The following MTHFD1L variants were observed in gnomAD, a reference collection of about 807,000 sequenced individuals.
MTHFD1L encodes the protein methylenetetrahydrofolate dehydrogenase (NADP+ dependent) 1 like.
Under a neutral mutation model 119.5 loss-of-function variants are expected in MTHFD1L, and 81 were observed. That is an observed-to-expected ratio of 0.68 (90% CI 0.57 to 0.82). The LOEUF (loss-of-function observed/expected upper bound fraction) is 0.82, where lower values mean the gene tolerates loss of function less well. Among genes scored for constraint, MTHFD1L ranks in the 40% least tolerant of loss-of-function variants. The pLI is 0.00. For missense variants in MTHFD1L, 1,125 were observed against 1,253.4 expected (o/e 0.90, Z 1.55); for synonymous variants, 430 against 475.2 (o/e 0.90, Z 1.24).
chr6:150,984,531 G>C (rs980100045), intron 20 of MTHFD1L, among the ~76,000 whole-genome samples: 15 of 137,364 alleles, frequency 1.1e-4, no homozygotes, highest in African/African-American at 4.1e-4. Flanking sequence ...TCAGTGCTTA[G>C]AAGTACCTAC....
intron 26 of MTHFD1L, among the ~76,000 whole-genome samples, chr6:151,056,929 C>A (rs1192746579): frequency 2.0e-5 from 3 of 152,156 alleles, no homozygotes; most frequent in African/African-American, 7.2e-5. Context: ...TTTTTTCAGT[C>A]CTGACAATAA....
At chr6:151,026,417 T>G (rs1784608692) in intron 24 of MTHFD1L, among the ~76,000 whole-genome samples, 1 of 152,246 alleles carries the variant, frequency 6.6e-6, no homozygotes, top group Non-Finnish European at 1.5e-5. Context: ...GTTTCTGGAT[T>G]GTTCCAGTCC....
intron 19 of MTHFD1L, among the ~76,000 whole-genome samples, chr6:150,965,389 G>A (rs1032014727): frequency 5.3e-5 from 8 of 152,114 alleles, no homozygotes; most frequent in African/African-American, 1.4e-4. Context: ...GGCCAGGCGC[G>A]GCGGCTCATG....
chr6:150,999,000 A>G (rs1379518125), intron 20 of MTHFD1L, among the ~76,000 whole-genome samples: 3 of 150,594 alleles, frequency 2.0e-5, no homozygotes, highest in African/African-American at 7.3e-5. Context: ...AAAAAAATAT[A>G]TATACATATA....
At chr6:151,043,672 G>T (rs7754661) in intron 26 of MTHFD1L, among the ~76,000 whole-genome samples, 1 of 151,994 alleles carries the variant, frequency 6.6e-6, no homozygotes, top group Non-Finnish European at 1.5e-5. Context: ...CATTGAGGCA[G>T]TGAGAGAGAC....
intron 1 of MTHFD1L, among the ~76,000 whole-genome samples, chr6:150,875,274 C>T (rs964693087): frequency 6.6e-6 from 1 of 152,020 alleles, no homozygotes; most frequent in African/African-American, 2.4e-5. Context: ...GTCTCAAACT[C>T]CTGGTCTCAA....
At chr6:150,980,710 T>TAA (rs375964703) in intron 20 of MTHFD1L, among the ~76,000 whole-genome samples, 21,550 of 120,648 alleles carry the variant, frequency 0.18, 2,223 homozygotes, top group East Asian at 0.55. Flanking sequence ...ACCCTGTCTC[T>TAA]AAAAAAAAAA....
At chr6:151,084,213 G>A (rs926362718) in intron 26 of MTHFD1L, among the ~76,000 whole-genome samples, 1 of 152,122 alleles carries the variant, frequency 6.6e-6, no homozygotes, top group African/African-American at 2.4e-5. Context: ...AAAAGAAAAA[G>A]GTGCTACCAA....
At chr6:151,026,236 A>G (rs1784587164) in intron 24 of MTHFD1L, among the ~76,000 whole-genome samples, 3 of 152,226 alleles carry the variant, frequency 2.0e-5, no homozygotes, top group African/African-American at 7.2e-5. Flanking sequence ...TGAATTTAAT[A>G]AAGCATGAAG....
chr6:150,909,046 G>A (rs1786413898), intron 8 of MTHFD1L, among the ~76,000 whole-genome samples: 1 of 152,034 alleles, frequency 6.6e-6, no homozygotes, highest in Non-Finnish European at 1.5e-5. Context: ...TAGATGGGAT[G>A]TTGTGATTTA....
intron 7 of MTHFD1L, among the ~76,000 whole-genome samples, chr6:150,893,577 C>T (rs923560269): frequency 2.0e-5 from 3 of 152,190 alleles, no homozygotes; most frequent in Non-Finnish European, 1.5e-5. Context: ...CAAGACCCCC[C>T]CATCCCCTCA....
intron 13 of MTHFD1L, 89 bp from the exon 14 acceptor site, chr6:150,944,397 A>G (rs1021032844): frequency 1.2e-5 from 11 of 903,262 alleles, no homozygotes; most frequent in Admixed American, 1.0e-4. Flanking sequence ...ACAGTGAGCT[A>G]TGATCATGCC....
chr6:151,013,771 TATTTC>T lies in MTHFD1L; in HGVS notation c.2266-6_2266-2del. ...GATTATTCTTCATGTTTTCTCTCCTTATTTCAGGTAACGGCTGGTGTTCCTCTTAA... is the reference window on the plus strand; with the variant it reads ...GATTATTCTTCATGTTTTCTCTCCTTAGGTAACGGCTGGTGTTCCTCTTAA... On this transcript the variant is annotated splice_polypyrimidine_tract_variant and splice_region_variant and intron_variant, in intron 21 of 27. Transcript: ENST00000367321. The T allele has an allele frequency of 6.2e-7, 1 of 1,610,788 alleles. No individual in the cohort carries two copies. The highest frequency in any genetic ancestry group is 8.5e-7 in the Non-Finnish European group (1 of 1,177,472).
chr6:150,961,747 T>G (rs1433663041), intron 18 of MTHFD1L, among the ~76,000 whole-genome samples: 1 of 114,202 alleles, frequency 8.8e-6, no homozygotes, highest in Non-Finnish European at 2.1e-5. Flanking sequence ...TCAACGTATG[T>G]CGCAGCCTAT....
chr6:151,092,527 G>A lies in MTHFD1L; in HGVS notation c.2908G>A (p.Glu970Lys), dbSNP rs774732029. The change falls in exon 27 of 28, where the codon GAA becomes AAA. Residue 970 changes from glutamate (E) to lysine (K), a missense_variant. This residue lies in a region of MTHFD1L where 61 missense variants were observed against 78.9 expected (regional missense o/e 0.77). Coordinates refer to ENST00000367321, the MANE Select transcript of MTHFD1L (RefSeq NM_015440.5). ...CTTTTATGACATAGATCTTGATACC[G>A]AAACAGAACAAGTTAAAGGCTTGTT... ...PCFYDIDLDTETEQVKGLF is the reference protein window; with the variant it reads ...PCFYDIDLDTKTEQVKGLF 7 of 1,613,984 alleles carry A rather than the reference G, an allele frequency of 4.3e-6. No individual in the cohort carries two copies. Among genetic ancestry groups the A allele is most frequent in the East Asian group, 2.2e-5 (1 of 44,886 alleles).
intron 7 of MTHFD1L, among the ~76,000 whole-genome samples, chr6:150,891,811 C>A (rs951299627): frequency 6.6e-6 from 1 of 152,058 alleles, no homozygotes; most frequent in African/African-American, 2.4e-5. Flanking sequence ...GATGGTACAG[C>A]TCACAGATCT....
intron 11 of MTHFD1L, among the ~76,000 whole-genome samples, chr6:150,927,269 T>C (rs1293967546): frequency 1.3e-5 from 2 of 152,078 alleles, no homozygotes; most frequent in Non-Finnish European, 2.9e-5. Flanking sequence ...GAAACAACTG[T>C]TGACCTGCGA....
intron 26 of MTHFD1L, among the ~76,000 whole-genome samples, chr6:151,073,108 T>C (rs1792114353): frequency 6.6e-6 from 1 of 152,182 alleles, no homozygotes; most frequent in Non-Finnish European, 1.5e-5. Context: ...AGAGCTCAAC[T>C]GTCTCCCTGA....
chr6:151,099,453 CTTT>C (rs373291011), intron 27 of MTHFD1L: 218 of 867,730 alleles, frequency 2.5e-4, no homozygotes, highest in Middle Eastern at 5.2e-4. Context: ...GAAATATTTT[CTTT>C]TTTTTTTTTT....
Sources: gnomAD v4.1 joint callset for allele counts (sites outside exome capture counted in the v4.1 genomes callset) on GRCh38, gnomAD v4.1.1 for gene constraint, gnomAD v4.1.1 regional missense constraint, MANE v1.5 for transcripts, NCBI Gene and HGNC (gene_info 2026-07-23, HGNC 2026-07-21) for gene names.